PLCZ1: variants seen among roughly 807,000 people sequenced by gnomAD.
PLCZ1 encodes the protein 1-phosphatidylinositol 4,5-bisphosphate phosphodiesterase zeta-1.
A neutral mutation model predicts 76.8 loss-of-function variants in PLCZ1; 64 were observed. The observed-to-expected ratio is 0.83, with a 90% CI of 0.68 to 1.03. The LOEUF (loss-of-function observed/expected upper bound fraction) is 1.03. Ranked by LOEUF, PLCZ1 falls within the 50% of genes least tolerant of loss-of-function variation. PLCZ1 has a pLI of 0.00. For synonymous variants in PLCZ1, 248 were observed against 230.8 expected, an observed-to-expected ratio of 1.07 and a Z score of -0.68; for missense variants, 751 against 713.7, an observed-to-expected ratio of 1.05 and a Z score of -0.60.
At chr12:18,673,377 T>C in the PLCZ1 span, among the ~76,000 whole-genome samples, 2 of 152,002 alleles carry the variant, frequency 1.3e-5, no homozygotes, top group Non-Finnish European at 2.9e-5. Flanking sequence ...ATAGAAAAAT[T>C]TGTTGTTATA....
chr12:18,662,715 T>C, the PLCZ1 span, among the ~76,000 whole-genome samples: 1 of 152,036 alleles, frequency 6.6e-6, no homozygotes, highest in South Asian at 2.1e-4. Flanking sequence ...AACTGAAAAA[T>C]GAGGTCTAGT....
chr12:18,670,614 T>C, the PLCZ1 span, among the ~76,000 whole-genome samples: 1 of 152,210 alleles, frequency 6.6e-6, no homozygotes, highest in South Asian at 2.1e-4. Flanking sequence ...TATAAAGCAC[T>C]TAGGATAATG....
the PLCZ1 span, among the ~76,000 whole-genome samples, chr12:18,665,426 C>A: frequency 1.3e-5 from 2 of 152,156 alleles, no homozygotes; most frequent in Middle Eastern, 3.4e-3. Context: ...AATTGAGAAA[C>A]AGTCATTGGT....
chr12:18,723,067 G>A (rs1021267), intron 4 of PLCZ1, among the ~76,000 whole-genome samples: 30,896 of 151,772 alleles, frequency 0.2, 3,334 homozygotes, highest in East Asian at 0.3. Flanking sequence ...TGAGAGATAC[G>A]TGGAAGCAGT....
chr12:18,651,664 C>T, the PLCZ1 span, among the ~76,000 whole-genome samples: 36 of 152,226 alleles, frequency 2.4e-4, 1 homozygote, highest in Middle Eastern at 3.4e-3. Flanking sequence ...TTGGAACTTC[C>T]GGCCTGAACA....
chr12:18,694,011 T>G, intron 12 of PLCZ1: 1 of 1,482,516 alleles, frequency 6.7e-7, no homozygotes, highest in Non-Finnish European at 9.4e-7. Flanking sequence ...GAACGTAGAA[T>G]GAAAGTAACA....
Position 18,723,402 on chromosome 12 carries a change from C to CTCT in PLCZ1, c.275_276insAGA (p.Leu92_Ala93insGlu). The CTCT allele has an allele frequency of 6.2e-7, 1 of 1,612,872 alleles. No individual in the cohort carries two copies. The highest frequency in any genetic ancestry group is 8.5e-7 in the Non-Finnish European group (1 of 1,179,420). ...ATTGTTCTTGTGTCAGAAATTGAGC[C>CTCT]AGATTACTTGCTAAAAGAATTTTCC... On this transcript the variant is annotated inframe_insertion, in exon 4 of 15. Transcript: ENST00000266505.
At chr12:18,659,078 A>G in the PLCZ1 span, among the ~76,000 whole-genome samples, 1 of 152,136 alleles carries the variant, frequency 6.6e-6, no homozygotes. Flanking sequence ...CATGGATAGG[A>G]AACAGTAGGG....
At chr12:18,683,355 A>C in intron 14 of PLCZ1, 31 bp from the exon 15 acceptor site, 2 of 1,597,862 alleles carry the variant, frequency 1.3e-6, no homozygotes, top group Non-Finnish European at 1.7e-6. Flanking sequence ...AATTAGACCA[A>C]TAACCAATTA....
At chr12:18,725,949 T>G (rs151146162) in intron 3 of PLCZ1, among the ~76,000 whole-genome samples, 16 of 152,116 alleles carry the variant, frequency 1.1e-4, no homozygotes, top group Non-Finnish European at 1.9e-4. Flanking sequence ...CACTTTCTTC[T>G]CTTACAGGCC....
At chr12:18,712,766 T>C (rs1957493980) in intron 6 of PLCZ1, 76 bp downstream of exon 6, 6 of 1,518,000 alleles carry the variant, frequency 4.0e-6, no homozygotes, top group Non-Finnish European at 5.5e-6. Flanking sequence ...AGGCTAAGCA[T>C]TATAGGATTT....
At chr12:18,698,173 A>T (rs1176631081) in intron 10 of PLCZ1, among the ~76,000 whole-genome samples, 1 of 151,914 alleles carries the variant, frequency 6.6e-6, no homozygotes, top group Non-Finnish European at 1.5e-5. Context: ...TTTACAATCC[A>T]ACTCACATGC....
chr12:18,668,816 T>C, the PLCZ1 span, among the ~76,000 whole-genome samples: 1 of 152,142 alleles, frequency 6.6e-6, no homozygotes, highest in African/African-American at 2.4e-5. Flanking sequence ...CTGATACATA[T>C]CTACTCATAC....
At chr12:18,719,985 G>A (rs1284602923) in intron 4 of PLCZ1, among the ~76,000 whole-genome samples, 2 of 152,062 alleles carry the variant, frequency 1.3e-5, no homozygotes, top group Non-Finnish European at 2.9e-5. Flanking sequence ...CAGTGTTCCA[G>A]AAGCCTGCCT....
At chr12:18,705,125 G>T in intron 7 of PLCZ1, 41 bp downstream of exon 7, 1 of 1,606,382 alleles carries the variant, frequency 6.2e-7, no homozygotes, top group Non-Finnish European at 8.5e-7. Context: ...TGTTTTCATG[G>T]ACTTTTTTCT....
rs748449465 is a variant in PLCZ1, at chr12:18,719,456, G to T, written c.544C>A (p.Pro182Thr). Residue 182 changes from proline to threonine, a missense_variant, in exon 5 of 15, where the codon CCA (proline) becomes ACA (threonine). Pro to Thr is a conservative substitution (Grantham distance 38, BLOSUM62 -1). Coordinates refer to ENST00000266505, the MANE Select transcript of PLCZ1 (RefSeq NM_033123.4). ...CTTACATATCCCCAAAGGTCACTTG[G>T]TCCCAATAATTGATCAGATACCAAA... ...TYLVSDQLLGPSDLWGYVSAL... is the reference protein window; with the variant it reads ...TYLVSDQLLGTSDLWGYVSAL... The T allele has an allele frequency of 1.3e-6, 2 of 1,539,572 alleles. No individual in the cohort carries two copies. Among genetic ancestry groups the T allele is most frequent in the Non-Finnish European group, 1.8e-6 (2 of 1,137,426 alleles).
At chr12:18,664,949 T>C in the PLCZ1 span, among the ~76,000 whole-genome samples, 1 of 137,476 alleles carries the variant, frequency 7.3e-6, no homozygotes, top group South Asian at 2.3e-4. Context: ...TAGGTGGGAA[T>C]TGAACAATGA....
chr12:18,682,727 C>A (rs1952544847), downstream of PLCZ1, among the ~76,000 whole-genome samples: 1 of 151,830 alleles, frequency 6.6e-6, no homozygotes, highest in South Asian at 2.1e-4. Context: ...TACAGGGTAC[C>A]AACTCCAGTG....
At chr12:18,698,109 A>G (rs1226715086) in intron 10 of PLCZ1, among the ~76,000 whole-genome samples, 1 of 151,604 alleles carries the variant, frequency 6.6e-6, no homozygotes, top group African/African-American at 2.4e-5. Context: ...AACAGAGACC[A>G]GTAAAGCATG....
Sources: gnomAD v4.1 joint callset for allele counts (sites outside exome capture counted in the v4.1 genomes callset) on GRCh38, gnomAD v4.1.1 for gene constraint, MANE v1.5 for transcripts, NCBI Gene and HGNC (gene_info 2026-07-23, HGNC 2026-07-21) for gene names.